ZBBX: variants seen among roughly 807,000 people sequenced by gnomAD.
The protein encoded by ZBBX is zinc finger B-box domain-containing protein 1.
Under a neutral mutation model 108.5 loss-of-function variants are expected in ZBBX, and 101 were observed. That is an observed-to-expected ratio of 0.93 (90% confidence interval 0.79 to 1.10). The LOEUF is 1.10. Among genes scored for constraint, ZBBX ranks in the 50% least tolerant of loss-of-function variants. The pLI is 0.00. For missense variants in ZBBX, 1,009 were observed against 941.4 expected (o/e 1.07, Z -0.94); for synonymous variants, 356 against 323.4 (o/e 1.10, Z -1.08).
At chr3:167,258,715 C>A (rs1329116683) in intron 20 of ZBBX, among the ~76,000 whole-genome samples, 1 of 152,160 alleles carries the variant, frequency 6.6e-6, no homozygotes, top group Non-Finnish European at 1.5e-5. Flanking sequence ...GCTTTTTCTG[C>A]ATCTATTGAA....
In ZBBX at chr3:167,240,171, G is replaced by C. The variant is rs1195987879; in HGVS notation, c.*622C>G. On this transcript the variant is annotated 3_prime_UTR_variant, in exon 22 of 22. Coordinates refer to ENST00000675490, the MANE Select transcript of ZBBX (RefSeq NM_001199201.2). ...AGCCAACCCATATCATTTGGGTATTGTAGACCAGTCACATTTTCACATAAA... is the reference window on the plus strand; with the variant it reads ...AGCCAACCCATATCATTTGGGTATTCTAGACCAGTCACATTTTCACATAAA... The C allele has an allele frequency of 6.6e-6, 1 of 152,226 alleles. No individual in the cohort carries two copies. Among genetic ancestry groups the C allele is most frequent in the African/African-American group, 2.4e-5 (1 of 41,406 alleles). 9.4% of individuals were successfully genotyped at this position (152,226 alleles called of 1,614,324 possible).
intron 9 of ZBBX, among the ~76,000 whole-genome samples, chr3:167,335,448 T>C (rs1739392075): frequency 6.6e-6 from 1 of 152,016 alleles, no homozygotes; most frequent in Non-Finnish European, 1.5e-5. Context: ...CCTATCTGAG[T>C]TTGAATTAAA....
chr3:167,274,088 ATTATGATCAAAACCCAATGTTGTACCT>A (rs1285976735), intron 20 of ZBBX, among the ~76,000 whole-genome samples: 1 of 152,240 alleles, frequency 6.6e-6, no homozygotes, highest in Admixed American at 6.5e-5. Context: ...TGGAGTTTGT[ATTATGATCAAAACCCAATGTTGTACCT>A]TTATCCCAAA....
the ZBBX span, among the ~76,000 whole-genome samples, chr3:167,188,488 T>C: frequency 6.6e-6 from 1 of 152,104 alleles, no homozygotes; most frequent in Non-Finnish European, 1.5e-5. Flanking sequence ...AAATAAATCT[T>C]AAAGGATAAA....
At chr3:167,379,994 G>A (rs1481902779) in intron 1 of ZBBX, among the ~76,000 whole-genome samples, 1 of 152,202 alleles carries the variant, frequency 6.6e-6, no homozygotes, top group Admixed American at 6.5e-5. Flanking sequence ...AGTCTTTGGT[G>A]TATACCAAAG....
rs116566242 is a variant in ZBBX, at chr3:167,304,135, A to T, written c.1725+1508T>A. On this transcript the variant is annotated intron_variant, in intron 17 of 21. Transcript: ENST00000675490. Reference sequence around the variant, plus strand: ...TTTTTATTTCTTCCTTTCTATTTTTAAACATTTTAAATATAGTCTCACAGG... The same window carrying T: ...TTTTTATTTCTTCCTTTCTATTTTTTAACATTTTAAATATAGTCTCACAGG... 1.3e-5 allele frequency among the ~76,000 whole-genome samples: 2 copies of T among 152,176 alleles called. 1 individual carries two copies. Among genetic ancestry groups the T allele is most frequent in the South Asian group, 4.2e-4 (2 of 4,802 alleles).
intron 17 of ZBBX, among the ~76,000 whole-genome samples, chr3:167,303,612 A>G (rs186360206): frequency 1.3e-5 from 2 of 152,244 alleles, no homozygotes; most frequent in Admixed American, 6.5e-5. Context: ...TAAACTTGCC[A>G]TTATTTTATT....
chr3:167,314,139 A>C (rs765086382), intron 15 of ZBBX, 23 bp from the exon 16 acceptor site: 1 of 1,541,668 alleles, frequency 6.5e-7, no homozygotes, highest in Non-Finnish European at 8.7e-7. Context: ...GGAACAAACA[A>C]AATAATAGAG....
chr3:167,282,877 C>A (rs1360921948), intron 19 of ZBBX, among the ~76,000 whole-genome samples: 1 of 152,104 alleles, frequency 6.6e-6, no homozygotes, highest in Non-Finnish European at 1.5e-5. Context: ...CAATACCAAA[C>A]TTAATACCTT....
chr3:167,313,759 C>T (rs530890649), intron 16 of ZBBX, among the ~76,000 whole-genome samples: 3 of 152,070 alleles, frequency 2.0e-5, no homozygotes, highest in South Asian at 2.1e-4. Flanking sequence ...TTTTAGAGTG[C>T]CCTATATTGG....
chr3:167,279,421 A>G lies in ZBBX; in HGVS notation c.2254+2817T>C, dbSNP rs1049114795. Among the ~76,000 whole-genome samples, 327 of 152,220 alleles carry G rather than the reference A, an allele frequency of 2.1e-3. 2 individuals carry two copies. Among genetic ancestry groups the G allele is most frequent in the Non-Finnish European group, 3.5e-3 (235 of 68,010 alleles). On this transcript the variant is annotated intron_variant, in intron 20 of 21. Transcript: ENST00000675490. ...ATGTCTCAGGATACAAAATCAATGT[A>G]CAAAAATCACAAGCATTCTTCTACA...
rs149349416 is a variant in ZBBX, at chr3:167,387,683, G to A, written c.-445-7278C>T. Reference sequence around the variant, plus strand: ...AAGGAAGTCATACAATTCCGTGAAGGGAAGATTCATTAAGAGGTCATCGCT... The same window carrying A: ...AAGGAAGTCATACAATTCCGTGAAGAGAAGATTCATTAAGAGGTCATCGCT... On this transcript the variant is annotated intron_variant, in intron 1 of 21. Coordinates refer to the ZBBX transcript ENST00000455345. 2.0e-5 allele frequency among the ~76,000 whole-genome samples: 3 copies of A among 152,086 alleles called. No homozygotes were observed. In the East Asian group the frequency reaches 5.8e-4, roughly 30 times the overall value.
chr3:167,404,312 G>T (rs1028747651), intron 1 of ZBBX, among the ~76,000 whole-genome samples: 1 of 152,066 alleles, frequency 6.6e-6, no homozygotes, highest in African/African-American at 2.4e-5. Flanking sequence ...AAAAATAAGC[G>T]AATCTACAGA....
chr3:167,250,532 CTT>C (rs11438021), intron 20 of ZBBX, among the ~76,000 whole-genome samples: 2 of 145,492 alleles, frequency 1.4e-5, no homozygotes, highest in African/African-American at 2.6e-5. Context: ...CCTTATAAAA[CTT>C]TTTTTTTTTT....
chr3:167,212,820 T>C, the ZBBX span, among the ~76,000 whole-genome samples: 1 of 152,068 alleles, frequency 6.6e-6, no homozygotes, highest in East Asian at 1.9e-4. Flanking sequence ...ATGGCTACAA[T>C]TGTGAGGAAA....
intron 9 of ZBBX, among the ~76,000 whole-genome samples, chr3:167,340,562 T>A (rs1418709285): frequency 2.0e-5 from 3 of 152,078 alleles, no homozygotes; most frequent in Admixed American, 6.6e-5. Context: ...TATGGGTCCT[T>A]CTTTATAGAT....
chr3:167,302,760 T>C (rs554262447), intron 17 of ZBBX, among the ~76,000 whole-genome samples: 1 of 152,100 alleles, frequency 6.6e-6, no homozygotes, highest in East Asian at 1.9e-4. Context: ...CAGAGTATCA[T>C]CATTTGCACC....
intron 12 of ZBBX, among the ~76,000 whole-genome samples, chr3:167,317,902 A>T (rs1301496235): frequency 1.3e-5 from 2 of 152,020 alleles, no homozygotes; most frequent in Non-Finnish European, 2.9e-5. Flanking sequence ...CATGGAGTCC[A>T]TTAAAAACAC....
intron 17 of ZBBX, 133 bp downstream of exon 17, chr3:167,305,510 T>C (rs1560098786): frequency 1.5e-6 from 1 of 662,284 alleles, no homozygotes; most frequent in Non-Finnish European, 2.2e-6. Flanking sequence ...ACTCTTCAAC[T>C]ATCTCATAAT....
Sources: gnomAD v4.1 joint callset for allele counts (sites outside exome capture counted in the v4.1 genomes callset) on GRCh38, gnomAD v4.1.1 for gene constraint, MANE v1.5 for transcripts, NCBI Gene and HGNC (gene_info 2026-07-23, HGNC 2026-07-21) for gene names.